Variants in PGM3 observed in about 807,000 individuals in gnomAD.
The protein encoded by PGM3 is phosphoglucomutase 3.
PGM3 carries 40 observed loss-of-function variants against 66.2 expected under a neutral mutation model. The ratio of observed to expected loss-of-function variants is 0.60; its 90% CI spans 0.47 to 0.79. The LOEUF is 0.79. Among genes scored for constraint, PGM3 ranks in the 30% least tolerant of loss-of-function variants. PGM3 has a pLI of 0.00. For synonymous variants in PGM3, 191 were observed against 224.2 expected (o/e 0.85, Z 1.32); for missense variants, 537 against 643.4 (o/e 0.83, Z 1.79).
intron 8 of PGM3, among the ~76,000 whole-genome samples, chr6:83,176,959 A>C (rs1787817616): frequency 6.6e-6 from 1 of 152,220 alleles, no homozygotes; most frequent in Non-Finnish European, 1.5e-5. Context: ...GAATGAGCTT[A>C]TTATAACCAT....
downstream of PGM3, chr6:83,160,112 G>A (rs1783879193): frequency 1.3e-6 from 1 of 743,874 alleles, no homozygotes; most frequent in Non-Finnish European, 2.1e-6. Flanking sequence ...CAGAGTTATC[G>A]GAAGTAAATG....
intron 7 of PGM3, among the ~76,000 whole-genome samples, chr6:83,178,984 T>A (rs1423276951): frequency 6.6e-6 from 1 of 152,230 alleles, no homozygotes; most frequent in East Asian, 1.9e-4. Context: ...AAGAAGCCTG[T>A]ATCTCCTGAT....
At chr6:83,191,106 G>C (rs2128509170) in intron 1 of PGM3, 92 bp from the exon 2 acceptor site, 1 of 1,454,840 alleles carries the variant, frequency 6.9e-7, no homozygotes, top group South Asian at 1.2e-5. Flanking sequence ...GAATAGGTCT[G>C]TCTCATCCTG....
chr6:83,187,209 T>A (rs1788648555), intron 3 of PGM3, 134 bp from the exon 4 acceptor site: 3 of 550,118 alleles, frequency 5.5e-6, no homozygotes, highest in Non-Finnish European at 9.9e-6. Context: ...CTGAAAGCTA[T>A]GAACTCTCAA....
chr6:83,183,935 C>G (rs1186032267), intron 4 of PGM3, among the ~76,000 whole-genome samples: 1 of 151,908 alleles, frequency 6.6e-6, no homozygotes, highest in Non-Finnish European at 1.5e-5. Context: ...AGACTGGTCT[C>G]AAACTCCTGA....
rs758805908 is a variant in PGM3 at position 83,190,889 on chromosome 6, T to G, written c.124A>C (p.Met42Leu). Residue 42 changes from methionine (M) to leucine (L), a missense_variant, in exon 2 of 13, where the codon ATG becomes CTG. Coordinates refer to ENST00000513973, the MANE Select transcript of PGM3 (RefSeq NM_015599.3). ...AEHLDHVMFR[M>L]GLLAVLRSKQ... ...GACCTCAGGACAGCTAATAATCCCA[T>G]GCGAAACATGACATGATCAAGATGT... 4 of 1,614,150 alleles carry G rather than the reference T, an allele frequency of 2.5e-6. No homozygotes were observed. The Admixed American group carries it at 5.0e-5, about 20-fold the overall frequency.
the PGM3 span, chr6:83,153,492 A>AT: frequency 6.5e-7 from 1 of 1,543,060 alleles, no homozygotes; most frequent in Non-Finnish European, 8.8e-7. Context: ...GTTACTCTTC[A>AT]TTTTTTATGT....
chr6:83,168,248 TC>T lies in PGM3; in HGVS notation c.*985del. On this transcript the variant is annotated 3_prime_UTR_variant, in exon 13 of 13. Transcript: ENST00000513973. ...ACACTGCTCTGCGTTGTATAGTTTT[TC>T]CTTTTTTGTATGTAACAGAACACAT... is the stretch of plus-strand genomic sequence containing the variant. 2 of 1,479,008 alleles carry T rather than the reference TC, an allele frequency of 1.4e-6. No individual in the cohort carries two copies. Among genetic ancestry groups the T allele is most frequent in the South Asian group, 2.9e-5 (2 of 69,378 alleles). 91.6% of individuals were successfully genotyped at this position (1,479,008 alleles called of 1,614,324 possible). A position where few individuals can be genotyped will look rare whatever the true frequency, so the allele number is the denominator to read the frequency against.
At chr6:83,148,953 C>T in the PGM3 span, 1 of 713,986 alleles carries the variant, frequency 1.4e-6, no homozygotes, top group Non-Finnish European at 2.1e-6. Flanking sequence ...TTTTAGGTGA[C>T]AGTGATCTCT....
At chr6:83,191,958 CAAAA>C (rs1219337174) in intron 1 of PGM3, among the ~76,000 whole-genome samples, 384 of 39,324 alleles carry the variant, frequency 9.8e-3, no homozygotes, top group African/African-American at 0.033. Context: ...GACTCGGTCT[CAAAA>C]AAAAAAAAAA....
In PGM3 at chr6:83,169,294, C is replaced by T. The variant is rs1313656273; in HGVS notation, c.1569G>A (p.Val523=). 1 of 1,613,828 alleles carries T rather than the reference C, an allele frequency of 6.2e-7. No individual in the cohort carries two copies. Among genetic ancestry groups the T allele is most frequent in the Non-Finnish European group, 8.5e-7 (1 of 1,179,754 alleles). ...CAGCCAGCTGAAATACTGCCAAGCT[C>T]ACTTCATGTGCAAGGTGATCTGCAC... ...QESADHLAHE[V]SLAVFQLAGG... The change falls in exon 13 of 13, where the codon GTG becomes GTA. Residue 523 remains valine (V), a synonymous_variant. Coordinates refer to ENST00000513973, the MANE Select transcript of PGM3 (RefSeq NM_015599.3).
At chr6:83,180,904 A>C (rs1788130248) in intron 6 of PGM3, among the ~76,000 whole-genome samples, 1 of 152,194 alleles carries the variant, frequency 6.6e-6, no homozygotes, top group South Asian at 2.1e-4. Flanking sequence ...ATTTTAGGGG[A>C]GCAGCATCTA....
At chr6:83,174,235 A>G in intron 10 of PGM3, 139 bp downstream of exon 10, 1 of 607,456 alleles carries the variant, frequency 1.6e-6, no homozygotes, top group Non-Finnish European at 2.9e-6. Flanking sequence ...ATAAATCTCA[A>G]CTGAATATAC....
At chr6:83,162,785 C>T (rs921119106), downstream of PGM3, 1 of 1,610,280 alleles carries the variant, frequency 6.2e-7, no homozygotes, top group Non-Finnish European at 8.5e-7. Flanking sequence ...TTATTCTATA[C>T]ATAGGTACCG....
intron 10 of PGM3, among the ~76,000 whole-genome samples, chr6:83,173,884 C>A (rs998243901): frequency 3.3e-5 from 5 of 151,940 alleles, no homozygotes. Context: ...CTACAGGTGC[C>A]CGCCACCATG....
At position 83,168,773 on chromosome 6, in the gene PGM3, T is replaced by C; in HGVS notation, c.*461A>G. 2 of 1,001,668 alleles carry C rather than the reference T, an allele frequency of 2.0e-6. No homozygotes were observed. Among genetic ancestry groups the C allele is most frequent in the Non-Finnish European group, 2.4e-6 (2 of 838,986 alleles). The allele number at this position is 1,001,668 out of a possible 1,614,324, so 62.0% of individuals were successfully genotyped here. A position where few individuals can be genotyped will look rare whatever the true frequency, so the allele number is the denominator to read the frequency against. On this transcript the variant is annotated 3_prime_UTR_variant, in exon 13 of 13. Transcript: ENST00000513973. ...GTCATATAGGTAAGTCATCTAATAATCTTTCTTAAGACTCTGCAATGGAAA... is the reference window on the plus strand; with the variant it reads ...GTCATATAGGTAAGTCATCTAATAACCTTTCTTAAGACTCTGCAATGGAAA...
At chr6:83,164,630 G>C, downstream of PGM3, 1 of 1,554,564 alleles carries the variant, frequency 6.4e-7, no homozygotes, top group African/African-American at 1.4e-5. Context: ...CTGGAACAAA[G>C]GCTGTGAGTT....
chr6:83,189,504 C>A (rs1788881254), intron 2 of PGM3, among the ~76,000 whole-genome samples: 1 of 152,222 alleles, frequency 6.6e-6, no homozygotes, highest in Non-Finnish European at 1.5e-5. Context: ...GACATATACA[C>A]ATTTATAATG....
chr6:83,157,294 C>G (rs554456736), downstream of PGM3: 2 of 1,613,812 alleles, frequency 1.2e-6, no homozygotes, highest in African/African-American at 2.7e-5. Flanking sequence ...TTACCTCACT[C>G]TGGCCTACCA....
Sources: gnomAD v4.1 joint callset for allele counts (sites outside exome capture counted in the v4.1 genomes callset) on GRCh38, gnomAD v4.1.1 for gene constraint, MANE v1.5 for transcripts, NCBI Gene and HGNC (gene_info 2026-07-23, HGNC 2026-07-21) for gene names.